Variants in FTO observed in about 807,000 individuals in gnomAD.
FTO encodes FTO alpha-ketoglutarate dependent dioxygenase.
FTO carries 47 observed loss-of-function variants against 63.9 expected under a neutral mutation model. The ratio of observed to expected loss-of-function variants is 0.74; its 90% CI spans 0.58 to 0.94. The LOEUF (loss-of-function observed/expected upper bound fraction) is 0.94, where lower values mean the gene tolerates loss of function less well. Ranked by LOEUF, FTO falls within the 40% of genes least tolerant of loss-of-function variation. The pLI is 0.00. For synonymous variants in FTO, 207 were observed against 224.4 expected, an observed-to-expected ratio of 0.92 and a Z score of 0.69; for missense variants, 562 against 618.1, an observed-to-expected ratio of 0.91 and a Z score of 0.96.
intron 8 of FTO, among the ~76,000 whole-genome samples, chr16:54,100,536 G>A (rs774742934): frequency 5.9e-5 from 9 of 152,066 alleles, no homozygotes; most frequent in South Asian, 2.1e-4. Flanking sequence ...TAAATTTTTC[G>A]TACAGATGGG....
At chr16:53,754,995 G>C (rs2076886291) in intron 1 of FTO, among the ~76,000 whole-genome samples, 1 of 152,188 alleles carries the variant, frequency 6.6e-6, no homozygotes, top group Admixed American at 6.5e-5. Context: ...CATCGCTATA[G>C]GCAAGCCAGA....
intron 4 of FTO, among the ~76,000 whole-genome samples, chr16:53,870,356 A>G (rs1236291990): frequency 2.0e-5 from 3 of 152,202 alleles, no homozygotes; most frequent in Non-Finnish European, 4.4e-5. Flanking sequence ...GGAGTTCCCT[A>G]AGATGGAGCT....
chr16:53,985,985 G>A (rs1262605871), intron 8 of FTO, among the ~76,000 whole-genome samples: 2 of 152,192 alleles, frequency 1.3e-5, no homozygotes, highest in East Asian at 3.8e-4. Flanking sequence ...AAAAATGGCT[G>A]ACTGGATTTA....
intron 7 of FTO, chr16:53,922,914 A>T (rs2082041136): frequency 6.6e-6 from 1 of 152,162 alleles, no homozygotes; most frequent in Admixed American, 6.5e-5. Context: ...TTGGTTGTAA[A>T]AGAGGCTAAT....
chr16:53,950,042 T>G (rs1030195486), intron 8 of FTO, among the ~76,000 whole-genome samples: 27 of 146,332 alleles, frequency 1.8e-4, no homozygotes, highest in South Asian at 2.2e-4. Flanking sequence ...TTTCTTTTTT[T>G]GGGGGGGGAA....
chr16:53,899,880 A>G (rs1370769838), intron 7 of FTO, among the ~76,000 whole-genome samples: 1 of 152,266 alleles, frequency 6.6e-6, no homozygotes, highest in Non-Finnish European at 1.5e-5. Context: ...TATAAGCAGC[A>G]GAACTATTAT....
chr16:53,862,478 A>C (rs2080202881), intron 4 of FTO, among the ~76,000 whole-genome samples: 1 of 151,864 alleles, frequency 6.6e-6, no homozygotes, highest in South Asian at 2.1e-4. Flanking sequence ...GTCTTTTCAC[A>C]ACCTTGGAAA....
chr16:53,907,530 A>G (rs541595177), intron 7 of FTO, among the ~76,000 whole-genome samples: 34 of 152,178 alleles, frequency 2.2e-4, no homozygotes, highest in Non-Finnish European at 4.3e-4. Context: ...TACTGTGTGC[A>G]TATAGCTTTT....
intron 1 of FTO, among the ~76,000 whole-genome samples, chr16:53,733,641 T>TAAA (rs1283416235): frequency 8.5e-5 from 13 of 152,228 alleles, no homozygotes; most frequent in Non-Finnish European, 1.3e-4. Flanking sequence ...TTTAAGGCTT[T>TAAA]TTTAAGAGAG....
chr16:53,796,230 G>A (rs984411409), intron 1 of FTO, among the ~76,000 whole-genome samples: 6 of 151,972 alleles, frequency 3.9e-5, no homozygotes, highest in Non-Finnish European at 7.4e-5. Context: ...TTTTAGTAGA[G>A]ATGGGGTTTT....
At chr16:53,894,632 T>TTG (rs77253276) in intron 7 of FTO, among the ~76,000 whole-genome samples, 44 of 150,776 alleles carry the variant, frequency 2.9e-4, no homozygotes, top group East Asian at 1.4e-3. Context: ...TCACCAATTT[T>TTG]TGTGTGTGTG....
intron 4 of FTO, among the ~76,000 whole-genome samples, chr16:53,864,583 A>C (rs1393412266): frequency 6.6e-6 from 1 of 152,202 alleles, no homozygotes; most frequent in Non-Finnish European, 1.5e-5. Context: ...TCAGCCAGCA[A>C]AGAGTGAGAG....
chr16:53,912,981 T>A (rs1028730250), intron 7 of FTO, among the ~76,000 whole-genome samples: 1 of 152,232 alleles, frequency 6.6e-6, no homozygotes, highest in Non-Finnish European at 1.5e-5. Flanking sequence ...AAACTGCTTC[T>A]GTTCTGTGTG....
rs544835271 is a variant in FTO, at chr16:54,111,672, C to T, written c.1365-90C>T. 7.4e-6 allele frequency: 10 copies of T among 1,351,466 alleles called. No individual in the cohort carries two copies. In the South Asian group the frequency reaches 9.4e-5, roughly 13 times the overall value. 83.7% of individuals were successfully genotyped at this position (1,351,466 alleles called of 1,614,324 possible). A position where few individuals can be genotyped will look rare whatever the true frequency, so the allele number is the denominator to read the frequency against. ...TCACCCCCGAGGACTGTCTTTGGAG[C>T]ATTGGCCAGTGTTGCTCCAAGCTTC... On this transcript the variant is annotated intron_variant, in intron 8 of 8. Transcript: ENST00000471389.
intron 1 of FTO, among the ~76,000 whole-genome samples, chr16:53,757,242 C>T (rs1075441): frequency 0.013 from 1,931 of 152,210 alleles, 50 homozygotes; most frequent in African/African-American, 0.044. Context: ...CACTTAAAAT[C>T]TACTTTCTTA....
At chr16:54,014,809 A>AATT (rs2084398124) in intron 8 of FTO, among the ~76,000 whole-genome samples, 1 of 150,486 alleles carries the variant, frequency 6.6e-6, no homozygotes, top group Admixed American at 6.6e-5. Context: ...AGGCATTTAA[A>AATT]ATTATTATTA....
At chr16:54,097,661 G>A (rs2086547638) in intron 8 of FTO, among the ~76,000 whole-genome samples, 1 of 152,182 alleles carries the variant, frequency 6.6e-6, no homozygotes, top group South Asian at 2.1e-4. Context: ...CTCTGCTCTA[G>A]GCTTTGAGGA....
chr16:53,824,542 A>G (rs190957934), intron 2 of FTO, among the ~76,000 whole-genome samples: 6 of 152,262 alleles, frequency 3.9e-5, no homozygotes, highest in Admixed American at 3.9e-4. Context: ...TTGATTTGGT[A>G]GAAAGCTTTG....
At chr16:53,822,514 T>C (rs1423121499) in intron 2 of FTO, among the ~76,000 whole-genome samples, 1 of 152,082 alleles carries the variant, frequency 6.6e-6, no homozygotes, top group African/African-American at 2.4e-5. Flanking sequence ...CTGTGGACAG[T>C]TTCAAGCCAC....
Sources: allele counts gnomAD v4.1 joint callset (sites outside exome capture counted in the v4.1 genomes callset), GRCh38; gene constraint gnomAD v4.1.1; transcripts MANE v1.5; gene names NCBI Gene and HGNC (gene_info 2026-07-23, HGNC 2026-07-21).